SYT3: variants seen among roughly 807,000 people sequenced by gnomAD.
SYT3 encodes the protein synaptotagmin 3.
In SYT3, 25 loss-of-function variants were observed where a neutral mutation model predicts 50.6. The observed-to-expected ratio is 0.49, with a 90% CI of 0.36 to 0.69. The LOEUF (loss-of-function observed/expected upper bound fraction) is 0.69. SYT3 is among the 30% of genes least tolerant of loss of function. The probability of loss-of-function intolerance (pLI) is 0.00; values close to 1 mark genes in which losing one functional copy is unlikely to be tolerated. For missense variants in SYT3, 589 were observed against 793.6 expected, an observed-to-expected ratio of 0.74 and a Z score of 3.10; for synonymous variants, 323 against 353.9, an observed-to-expected ratio of 0.91 and a Z score of 0.98.
At chr19:50,630,230 G>A (rs1052987381) in intron 4 of SYT3, 59 bp from the exon 5 acceptor site, 24 of 1,444,718 alleles carry the variant, frequency 1.7e-5, no homozygotes, top group African/African-American at 4.3e-5. Flanking sequence ...TCGACTGCAT[G>A]CAGAGACCTG....
upstream of SYT3, among the ~76,000 whole-genome samples, chr19:50,643,312 T>C (rs1984708687): frequency 6.6e-6 from 1 of 151,952 alleles, no homozygotes; most frequent in Non-Finnish European, 1.5e-5. Context: ...AAGTCGAGGC[T>C]GTGGGGAAAT....
At chr19:50,652,124 T>TA in the SYT3 span, among the ~76,000 whole-genome samples, 2 of 152,184 alleles carry the variant, frequency 1.3e-5, no homozygotes, top group Non-Finnish European at 2.9e-5. Flanking sequence ...GCCGGGATGA[T>TA]AGGTGTGAAC....
upstream of SYT3, among the ~76,000 whole-genome samples, chr19:50,641,383 G>A (rs1265596054): frequency 6.7e-6 from 1 of 149,848 alleles, no homozygotes; most frequent in African/African-American, 2.5e-5. Context: ...GGGTTTCACC[G>A]TGGTCTCGAT....
At chr19:50,633,201 C>T (rs1179598955) in intron 3 of SYT3, among the ~76,000 whole-genome samples, 2 of 150,004 alleles carry the variant, frequency 1.3e-5, no homozygotes, top group Admixed American at 6.7e-5. Context: ...CAGGCTGGCT[C>T]GAACTCCTGG....
chr19:50,647,795 A>G, the SYT3 span, among the ~76,000 whole-genome samples: 1 of 152,120 alleles, frequency 6.6e-6, no homozygotes, highest in Non-Finnish European at 1.5e-5. Context: ...GAACTTGGAG[A>G]CAGATAGGCT....
rs995592695 is a variant in SYT3 at position 50,625,390 on chromosome 19, C to T, written c.1574+3G>A. 2 of 1,548,372 alleles carry T rather than the reference C, an allele frequency of 1.3e-6. No individual in the cohort carries two copies. The highest frequency in any genetic ancestry group is 1.4e-5 in the African/African-American group (1 of 72,960). On this transcript the variant is annotated splice_donor_region_variant and intron_variant, in intron 8 of 10. Coordinates refer to ENST00000600079, the MANE Select transcript of SYT3 (RefSeq NM_001160329.2). The surrounding 1 kb of genome is among the most constrained non-coding windows in gnomAD (Gnocchi z 7.5). ...TGACCCCCGCCCGGGCCGCGCCCCT[C>T]ACCAGTCGTAGTCTACCACGGCGAT...
At chr19:50,656,930 T>C in the SYT3 span, among the ~76,000 whole-genome samples, 13 of 135,836 alleles carry the variant, frequency 9.6e-5, no homozygotes, top group African/African-American at 3.4e-4. Context: ...CCAGCCTGGG[T>C]GACAAAGTGA....
At chr19:50,656,390 G>C in the SYT3 span, 4 of 1,506,848 alleles carry the variant, frequency 2.7e-6, no homozygotes, top group Non-Finnish European at 3.5e-6. Context: ...TTTTGGTGGG[G>C]TGATGGGAAG....
At chr19:50,634,164 G>A (rs1984417551) in intron 3 of SYT3, among the ~76,000 whole-genome samples, 1 of 152,202 alleles carries the variant, frequency 6.6e-6, no homozygotes, top group Non-Finnish European at 1.5e-5. Context: ...CAGGAGTGGG[G>A]TTTTTCAGAA....
chr19:50,657,860 G>A, the SYT3 span: 2 of 1,244,428 alleles, frequency 1.6e-6, no homozygotes, highest in Non-Finnish European at 2.1e-6. Context: ...GATTAAGAGC[G>A]ATCCTTGCCC....
the SYT3 span, chr19:50,657,932 T>C: frequency 4.3e-5 from 64 of 1,478,864 alleles, no homozygotes; most frequent in Non-Finnish European, 5.7e-5. Context: ...TGGTGACTTC[T>C]GAACCCAAAA....
chr19:50,646,506 G>A, the SYT3 span, among the ~76,000 whole-genome samples: 9 of 152,212 alleles, frequency 5.9e-5, no homozygotes, highest in Non-Finnish European at 1.0e-4. Context: ...CCCTTGTGGC[G>A]TGATGCCAGA....
chr19:50,640,252 G>A (rs1984637744), upstream of SYT3, among the ~76,000 whole-genome samples: 1 of 152,212 alleles, frequency 6.6e-6, no homozygotes, highest in African/African-American at 2.4e-5. Flanking sequence ...AGAGGTACTA[G>A]CAGGGACCTG....
upstream of SYT3, among the ~76,000 whole-genome samples, chr19:50,642,793 CA>C (rs889038153): frequency 1.1e-4 from 17 of 152,090 alleles, no homozygotes; most frequent in African/African-American, 4.1e-4. Context: ...AAGATCATGC[CA>C]TTGCACTCCA....
At position 50,639,350 on chromosome 19, in the gene SYT3, A is replaced by T. The variant is rs1355061381; in HGVS notation, c.-153-188T>A. The T allele has an allele frequency of 6.6e-6, 1 of 150,710 alleles. No individual in the cohort carries two copies. Among genetic ancestry groups the T allele is most frequent in the Non-Finnish European group, 1.5e-5 (1 of 67,854 alleles). 9.3% of individuals were successfully genotyped at this position (150,710 alleles called of 1,614,324 possible). On this transcript the variant is annotated intron_variant, in intron 1 of 10. Coordinates refer to ENST00000600079, the MANE Select transcript of SYT3 (RefSeq NM_001160329.2). The surrounding 1 kb of genome is among the most constrained non-coding windows in gnomAD (Gnocchi z 4.6). ...CGCTCGCGCTGCTGCGGCTTCATAGACCCGGCGCTGCAGGATCTGCTGGGA... is the reference window on the plus strand; with the variant it reads ...CGCTCGCGCTGCTGCGGCTTCATAGTCCCGGCGCTGCAGGATCTGCTGGGA...
In SYT3 at chr19:50,639,635, C is replaced by A. The variant is rs899720753; in HGVS notation, c.-154+155G>T. ...CCCCCTTCCAGGGCCACGTGCCCCT[C>A]CCCCGGGGTGGCCAGAGAGCGCTGC... On this transcript the variant is annotated intron_variant, in intron 1 of 10. Transcript: ENST00000600079. This position sits in a 1 kb window ranked among gnomAD's most constrained non-coding sequence, Gnocchi z 4.6. Among the ~76,000 whole-genome samples, 13 of 152,014 alleles carry A rather than the reference C, an allele frequency of 8.6e-5. No homozygotes were observed. The highest frequency in any genetic ancestry group is 2.9e-4 in the African/African-American group (12 of 41,512).
the SYT3 span, among the ~76,000 whole-genome samples, chr19:50,652,119 G>T: frequency 6.6e-6 from 1 of 152,182 alleles, no homozygotes. Context: ...AAAGTGCCGG[G>T]ATGATAGGTG....
Position 50,630,017 on chromosome 19 carries a change from C to G in SYT3, c.829G>C (p.Gly277Arg), listed in dbSNP as rs758055177. 1 of 1,614,036 alleles carries G rather than the reference C, an allele frequency of 6.2e-7. No individual in the cohort carries two copies. The highest frequency in any genetic ancestry group is 1.1e-5 in the South Asian group (1 of 91,068). Residue 277 changes from glycine (G) to arginine (R), a missense_variant, in exon 5 of 11, where the codon GGG becomes CGG. Physicochemically the swap from Gly to Arg is moderately radical, Grantham distance 125. Coordinates refer to ENST00000600079, the MANE Select transcript of SYT3 (RefSeq NM_001160329.2). ...CTCCGCCGGCCACCAGGGCCAGTCC[C>G]CTGGTACAGCTCTGGCTTAATCTGC... ...IGQIKPELYQ[G>R]TGPGGRRSGG...
chr19:50,643,027 C>T (rs906095082), upstream of SYT3, among the ~76,000 whole-genome samples: 2 of 152,046 alleles, frequency 1.3e-5, no homozygotes, highest in Non-Finnish European at 2.9e-5. Flanking sequence ...CCAAGGGAAG[C>T]GCTCTGCCCA....
Sources: gnomAD v4.1 joint callset for allele counts (sites outside exome capture counted in the v4.1 genomes callset) on GRCh38, gnomAD v4.1.1 for gene constraint, Gnocchi (gnomAD v3.1) non-coding constraint, MANE v1.5 for transcripts, NCBI Gene and HGNC (gene_info 2026-07-23, HGNC 2026-07-21) for gene names.